Variants in LHCGR observed in about 807,000 individuals in gnomAD.
The protein encoded by LHCGR is luteinizing hormone/choriogonadotropin receptor.
Under a neutral mutation model 60.7 loss-of-function variants are expected in LHCGR, and 55 were observed. The ratio of observed to expected loss-of-function variants is 0.91; its 90% CI spans 0.73 to 1.13. LHCGR has a LOEUF of 1.13. Among genes scored for constraint, LHCGR ranks in the 50% most tolerant of loss-of-function variants. The pLI, the probability that LHCGR is intolerant of heterozygous loss-of-function variation, is 0.00. For missense variants in LHCGR, 862 were observed against 836.0 expected (o/e 1.03, Z -0.38); for synonymous variants, 337 against 316.5 (o/e 1.06, Z -0.69).
At chr2:48,704,997 G>T (rs1208560687) in intron 8 of LHCGR, among the ~76,000 whole-genome samples, 4 of 152,238 alleles carry the variant, frequency 2.6e-5, no homozygotes, top group East Asian at 3.9e-4. Flanking sequence ...GTCAATTTTA[G>T]ATCTTTCCTG....
intron 4 of LHCGR, among the ~76,000 whole-genome samples, chr2:48,725,355 C>A (rs549750814): frequency 6.6e-6 from 1 of 152,262 alleles, no homozygotes; most frequent in East Asian, 1.9e-4. Context: ...TTCAGAGATT[C>A]TGATTTACCC....
intron 6 of LHCGR, among the ~76,000 whole-genome samples, chr2:48,717,313 G>A (rs987240425): frequency 8.5e-5 from 13 of 152,136 alleles, no homozygotes; most frequent in Admixed American, 3.9e-4. Flanking sequence ...GTGTACCCTT[G>A]TGGTTAAGTC....
chr2:48,746,453 A>C (rs1267691176), intron 1 of LHCGR, among the ~76,000 whole-genome samples: 1 of 152,086 alleles, frequency 6.6e-6, no homozygotes, highest in Non-Finnish European at 1.5e-5. Flanking sequence ...AAATATTTCA[A>C]CTCTAGAGAG....
At chr2:48,722,309 C>G (rs1390336826) in intron 6 of LHCGR, among the ~76,000 whole-genome samples, 1 of 152,166 alleles carries the variant, frequency 6.6e-6, no homozygotes, top group South Asian at 2.1e-4. Context: ...GCTCCTCAAA[C>G]TTTAATGTAC....
Position 48,698,679 on chromosome 2 carries a change from G to A in LHCGR, c.802C>T (p.Leu268Phe). The A allele has an allele frequency of 6.2e-7, 1 of 1,614,196 alleles. No homozygotes were observed. Among genetic ancestry groups the A allele is most frequent in the Non-Finnish European group, 8.5e-7 (1 of 1,180,030 alleles). ...KLPSRETFVN[L>F]LEATLTYPSH... Reference sequence around the variant, plus strand: ...GGGTAAGTCAACGTGGCCTCCAGGAGATTGACAAATGTTTCTCTTGATGGC... The same window carrying A: ...GGGTAAGTCAACGTGGCCTCCAGGAAATTGACAAATGTTTCTCTTGATGGC... The change falls in exon 9 of 11, where the codon CTC becomes TTC. Residue 268 changes from leucine to phenylalanine, a missense_variant. Coordinates refer to ENST00000294954, the MANE Select transcript of LHCGR (RefSeq NM_000233.4).
intron 3 of LHCGR, among the ~76,000 whole-genome samples, chr2:48,727,325 A>G (rs1357303600): frequency 6.6e-6 from 1 of 152,192 alleles, no homozygotes; most frequent in Non-Finnish European, 1.5e-5. Context: ...CCAGTCATTC[A>G]TTCATTTAAC....
intron 10 of LHCGR, among the ~76,000 whole-genome samples, chr2:48,691,108 C>A (rs1558805287): frequency 1.3e-5 from 2 of 152,150 alleles, no homozygotes; most frequent in Admixed American, 1.3e-4. Context: ...GTGTCAAGGC[C>A]ATTACATATA....
intron 6 of LHCGR, among the ~76,000 whole-genome samples, chr2:48,717,722 T>C (rs1668317017): frequency 6.6e-6 from 1 of 152,022 alleles, no homozygotes; most frequent in Non-Finnish European, 1.5e-5. Flanking sequence ...GCAGAGCAAG[T>C]CAGGTCAGTG....
chr2:48,719,754 G>A (rs972903005), intron 6 of LHCGR, among the ~76,000 whole-genome samples: 1 of 152,160 alleles, frequency 6.6e-6, no homozygotes, highest in African/African-American at 2.4e-5. Flanking sequence ...TTGGGTAGGG[G>A]GAGGGCAAGA....
intron 1 of LHCGR, among the ~76,000 whole-genome samples, chr2:48,747,091 C>CTTTT (rs10625923): frequency 1.3e-5 from 2 of 148,794 alleles, no homozygotes; most frequent in Non-Finnish European, 3.0e-5. Flanking sequence ...TTTTCTTTTA[C>CTTTT]TTTTTTTTTT....
chr2:48,705,913 T>G (rs975896586), intron 8 of LHCGR, among the ~76,000 whole-genome samples: 1 of 152,242 alleles, frequency 6.6e-6, no homozygotes, highest in African/African-American at 2.4e-5. Context: ...AATATTGTTA[T>G]GTGTGAATTT....
At chr2:48,698,472 C>G (rs1667232456) in intron 9 of LHCGR, 143 bp downstream of exon 9, 22 of 690,564 alleles carry the variant, frequency 3.2e-5, no homozygotes, top group South Asian at 3.1e-4. Context: ...TTCTTCTTGT[C>G]TATTTGAAAG....
At chr2:48,706,102 C>G (rs1348963192) in intron 8 of LHCGR, among the ~76,000 whole-genome samples, 2 of 152,200 alleles carry the variant, frequency 1.3e-5, no homozygotes, top group East Asian at 3.8e-4. Flanking sequence ...GTGACAAAAT[C>G]TCTCAGCATT....
chr2:48,695,970 T>C (rs1667098163), intron 9 of LHCGR, among the ~76,000 whole-genome samples: 1 of 152,260 alleles, frequency 6.6e-6, no homozygotes, highest in South Asian at 2.1e-4. Flanking sequence ...TATACTCATG[T>C]AACAAACTGG....
intron 8 of LHCGR, among the ~76,000 whole-genome samples, chr2:48,702,804 G>A (rs1420081307): frequency 1.3e-5 from 2 of 152,264 alleles, no homozygotes; most frequent in East Asian, 1.9e-4. Flanking sequence ...GGATCGCTCG[G>A]TCAAATGGTA....
intron 1 of LHCGR, among the ~76,000 whole-genome samples, chr2:48,746,728 T>C (rs1169467459): frequency 6.6e-6 from 1 of 152,242 alleles, no homozygotes. Context: ...TCTAAGCCCT[T>C]ACTCAAAACC....
rs192674320 is a variant in LHCGR at position 48,717,475 on chromosome 2, A to C, written c.537-3421T>G. On this transcript the variant is annotated intron_variant, in intron 6 of 10. Transcript: ENST00000294954. ...CTCATAAAGCTATTGTAAGGACTGA[A>C]AATGTAAATATATGTTAAACATTTA... 3.6e-3 allele frequency among the ~76,000 whole-genome samples: 553 copies of C among 152,326 alleles called. 3 individuals are homozygous for C. Among genetic ancestry groups the C allele is most frequent in the Middle Eastern group, 0.02 (6 of 294 alleles).
intron 6 of LHCGR, chr2:48,721,825 C>G: frequency 2.1e-6 from 1 of 470,002 alleles, no homozygotes; most frequent in Non-Finnish European, 4.4e-6. Context: ...ATTTTAGGAG[C>G]AGAATTAAAT....
intron 9 of LHCGR, 47 bp from the exon 10 acceptor site, chr2:48,694,351 G>C: frequency 8.7e-7 from 1 of 1,144,424 alleles, no homozygotes; most frequent in Non-Finnish European, 1.3e-6. Context: ...TTGGACTTCA[G>C]GCTAAACCTG....
Sources: allele counts gnomAD v4.1 joint callset (sites outside exome capture counted in the v4.1 genomes callset), GRCh38; gene constraint gnomAD v4.1.1; transcripts MANE v1.5; gene names NCBI Gene and HGNC (gene_info 2026-07-23, HGNC 2026-07-21).